SGIP1: variants seen among roughly 807,000 people sequenced by gnomAD.
SGIP1 encodes the protein SH3GL interacting endocytic adaptor 1.
SGIP1 carries 38 observed loss-of-function variants against 107.5 expected under a neutral mutation model. The observed-to-expected ratio is 0.35, with a 90% CI of 0.27 to 0.46. SGIP1 has a LOEUF of 0.46. Among genes scored for constraint, SGIP1 ranks in the 20% least tolerant of loss-of-function variants. The pLI is 1.00. For synonymous variants in SGIP1, 365 were observed against 366.1 expected (o/e 1.00, Z 0.03); for missense variants, 929 against 1,019.5 (o/e 0.91, Z 1.21).
intron 1 of SGIP1, among the ~76,000 whole-genome samples, chr1:66,569,925 C>G (rs999011795): frequency 1.3e-5 from 2 of 151,592 alleles, no homozygotes; most frequent in African/African-American, 4.8e-5. Flanking sequence ...TTCAAATTGT[C>G]TGTTTCTTCT....
chr1:66,634,069 G>T (rs2075321729), intron 3 of SGIP1: 1 of 1,596,360 alleles, frequency 6.3e-7, no homozygotes, highest in Non-Finnish European at 8.5e-7. Flanking sequence ...TATAATCAAG[G>T]CTCTATTCAG....
At chr1:66,701,865 C>T (rs4143025) in intron 18 of SGIP1, among the ~76,000 whole-genome samples, 64,653 of 152,006 alleles carry the variant, frequency 0.43, 14,351 homozygotes, top group East Asian at 0.72. Context: ...AAGGAATAGG[C>T]TTCTAGAGAG....
intron 19 of SGIP1, among the ~76,000 whole-genome samples, chr1:66,727,755 A>C (rs2093823710): frequency 6.6e-6 from 1 of 152,206 alleles, no homozygotes; most frequent in South Asian, 2.1e-4. Context: ...AATTATGTGC[A>C]GTGAAAGAAA....
chr1:66,599,538 T>G (rs2065348555), intron 1 of SGIP1, among the ~76,000 whole-genome samples: 1 of 152,180 alleles, frequency 6.6e-6, no homozygotes, highest in African/African-American at 2.4e-5. Flanking sequence ...AGCTGTACTC[T>G]CTCTCCAAAT....
chr1:66,624,527 C>A (rs1374873124), intron 1 of SGIP1, among the ~76,000 whole-genome samples: 1 of 152,100 alleles, frequency 6.6e-6, no homozygotes, highest in South Asian at 2.1e-4. Context: ...CAAAATTAGA[C>A]AGAACAGAGA....
At chr1:66,711,600 T>C (rs1213743097) in intron 18 of SGIP1, among the ~76,000 whole-genome samples, 2 of 152,170 alleles carry the variant, frequency 1.3e-5, no homozygotes, top group Admixed American at 1.3e-4. Context: ...GTCTGTCTTC[T>C]ATGCACTCTG....
At chr1:66,541,584 T>A (rs1352831656) in intron 1 of SGIP1, among the ~76,000 whole-genome samples, 1 of 152,180 alleles carries the variant, frequency 6.6e-6, no homozygotes, top group South Asian at 2.1e-4. Context: ...AAATTACACA[T>A]CTACTCACAT....
chr1:66,729,391 G>T lies in SGIP1; in HGVS notation c.1870G>T (p.Val624Phe). ...GATAAATTTCAGCAGGTTAGAACACGTCCTGCCAAACCCCCAACTTCTCTG... is the reference window on the plus strand; with the variant it reads ...GATAAATTTCAGCAGGTTAGAACACTTCCTGCCAAACCCCCAACTTCTCTG... ...RVINFSRLEH[V>F]LPNPQLLCCD... Residue 624 changes from valine (V) to phenylalanine (F), a missense_variant, in exon 20 of 25, where the codon GTC becomes TTC. Val to Phe is a conservative substitution (Grantham distance 50, BLOSUM62 -1). Coordinates refer to ENST00000371037, the MANE Select transcript of SGIP1 (RefSeq NM_032291.4). The T allele has an allele frequency of 6.2e-7, 1 of 1,613,910 alleles. No individual in the cohort carries two copies. Among genetic ancestry groups the T allele is most frequent in the Non-Finnish European group, 8.5e-7 (1 of 1,179,952 alleles).
intron 7 of SGIP1, among the ~76,000 whole-genome samples, chr1:66,654,955 A>G (rs1998718): frequency 0.14 from 21,631 of 152,204 alleles, 2,332 homozygotes; most frequent in East Asian, 0.52. Flanking sequence ...ACCTATTTGA[A>G]GCCCATCTTT....
intron 15 of SGIP1, chr1:66,684,287 C>T (rs933234875): frequency 1.5e-5 from 22 of 1,492,432 alleles, no homozygotes; most frequent in Non-Finnish European, 1.9e-5. Context: ...ACTACTGACA[C>T]CCATCTACAC....
At chr1:66,737,420 C>T (rs973826168) in intron 21 of SGIP1, among the ~76,000 whole-genome samples, 9 of 152,072 alleles carry the variant, frequency 5.9e-5, no homozygotes, top group Admixed American at 2.0e-4. Flanking sequence ...GGGCTGCGCA[C>T]GGTGGCTCAT....
chr1:66,576,889 C>T (rs1219752341), intron 1 of SGIP1, among the ~76,000 whole-genome samples: 1 of 152,116 alleles, frequency 6.6e-6, no homozygotes, highest in Non-Finnish European at 1.5e-5. Context: ...CTTATTTTCC[C>T]TCCCACCTTC....
intron 21 of SGIP1, among the ~76,000 whole-genome samples, chr1:66,735,239 G>T (rs911650821): frequency 6.6e-6 from 1 of 151,456 alleles, no homozygotes; most frequent in East Asian, 1.9e-4. Flanking sequence ...TTTTTGAGAT[G>T]AAGTCTCCCT....
At chr1:66,554,695 C>T (rs1482702283) in intron 1 of SGIP1, among the ~76,000 whole-genome samples, 1 of 152,070 alleles carries the variant, frequency 6.6e-6, no homozygotes, top group Non-Finnish European at 1.5e-5. Context: ...TGGGTCTCAT[C>T]CCCAAGATAC....
intron 1 of SGIP1, among the ~76,000 whole-genome samples, chr1:66,609,858 C>T (rs1291702599): frequency 2.0e-5 from 3 of 152,192 alleles, no homozygotes; most frequent in Admixed American, 2.0e-4. Flanking sequence ...CAATTAACTT[C>T]ATTCAGATTT....
chr1:66,595,583 C>A (rs1405098887), intron 1 of SGIP1, among the ~76,000 whole-genome samples: 1 of 152,200 alleles, frequency 6.6e-6, no homozygotes, highest in Admixed American at 6.5e-5. Context: ...TTGGTGAACT[C>A]CTGAGTTCCA....
chr1:66,742,762 C>T (rs112188166), intron 24 of SGIP1, among the ~76,000 whole-genome samples: 2,559 of 149,376 alleles, frequency 0.017, 130 homozygotes, highest in African/African-American at 0.062. Flanking sequence ...AGCCACCGCG[C>T]CCGGCCTATG....
chr1:66,659,967 A>C (rs1312471649), intron 7 of SGIP1, among the ~76,000 whole-genome samples: 1 of 60,910 alleles, frequency 1.6e-5, no homozygotes, highest in Admixed American at 2.0e-4. Flanking sequence ...AGAAAGAAAG[A>C]AAGAAAGAAA....
At chr1:66,716,706 A>G (rs1183227258) in intron 18 of SGIP1, among the ~76,000 whole-genome samples, 1 of 152,176 alleles carries the variant, frequency 6.6e-6, no homozygotes, top group Non-Finnish European at 1.5e-5. Flanking sequence ...TACTTTAAAT[A>G]ATAAAAATGA....
Sources: allele counts gnomAD v4.1 joint callset (sites outside exome capture counted in the v4.1 genomes callset), GRCh38; gene constraint gnomAD v4.1.1; transcripts MANE v1.5; gene names NCBI Gene and HGNC (gene_info 2026-07-23, HGNC 2026-07-21).